The following LRRC4C variants were observed in gnomAD, a reference collection of about 807,000 sequenced individuals.
LRRC4C encodes the protein leucine rich repeat containing 4C.
A neutral mutation model predicts 33.6 loss-of-function variants in LRRC4C; 5 were observed. The ratio of observed to expected loss-of-function variants is 0.15; its 90% confidence interval spans 0.08 to 0.31. LRRC4C has a LOEUF of 0.31. LRRC4C is among the 10% of genes least tolerant of loss of function. LRRC4C has a pLI of 1.00. For missense variants in LRRC4C, 560 were observed against 796.7 expected (o/e 0.70, Z 3.58); for synonymous variants, 329 against 302.0 (o/e 1.09, Z -0.93).
intron 2 of LRRC4C, among the ~76,000 whole-genome samples, chr11:40,820,065 G>A (rs1951866152): frequency 3.3e-5 from 5 of 151,872 alleles, no homozygotes; most frequent in Admixed American, 2.6e-4. Flanking sequence ...CATTGCTGTA[G>A]CACATTCTAT....
intron 2 of LRRC4C, among the ~76,000 whole-genome samples, chr11:40,821,922 T>C (rs1951945260): frequency 6.6e-6 from 1 of 151,824 alleles, no homozygotes; most frequent in African/African-American, 2.4e-5. Context: ...GTATATGTGA[T>C]ATCTTGAGAC....
At chr11:41,416,374 G>T (rs1954681461) in intron 1 of LRRC4C, among the ~76,000 whole-genome samples, 1 of 151,968 alleles carries the variant, frequency 6.6e-6, no homozygotes, top group South Asian at 2.1e-4. Flanking sequence ...GTACAATGAA[G>T]AAATTGAGGT....
At chr11:40,770,477 C>A (rs1425692993) in intron 2 of LRRC4C, among the ~76,000 whole-genome samples, 1 of 152,174 alleles carries the variant, frequency 6.6e-6, no homozygotes, top group Non-Finnish European at 1.5e-5. Flanking sequence ...CAGACCATAT[C>A]ATTCTGTCCC....
At chr11:40,161,080 T>G (rs1434760399) in intron 5 of LRRC4C, among the ~76,000 whole-genome samples, 1 of 152,198 alleles carries the variant, frequency 6.6e-6, no homozygotes, top group Non-Finnish European at 1.5e-5. Context: ...CCAGAAAGTT[T>G]TCATCTAGGA....
chr11:40,677,402 G>A (rs10742549), intron 2 of LRRC4C, among the ~76,000 whole-genome samples: 60,126 of 151,706 alleles, frequency 0.4, 12,197 homozygotes, highest in East Asian at 0.61. Context: ...AACAAAACAA[G>A]ACAAACATAT....
At chr11:40,664,769 A>AAT (rs1012089194) in intron 2 of LRRC4C, among the ~76,000 whole-genome samples, 2 of 152,074 alleles carry the variant, frequency 1.3e-5, no homozygotes, top group Non-Finnish European at 2.9e-5. Flanking sequence ...CTGTTTTTTT[A>AAT]ATATATATAT....
intron 3 of LRRC4C, among the ~76,000 whole-genome samples, chr11:40,370,635 A>G (rs1316655963): frequency 6.6e-6 from 1 of 152,212 alleles, no homozygotes; most frequent in Non-Finnish European, 1.5e-5. Context: ...AATCAAAGTA[A>G]CAGATTGAGA....
intron 2 of LRRC4C, among the ~76,000 whole-genome samples, chr11:40,706,690 C>CAGGCTCTTTTTTGATTCCAT (rs1564958734): frequency 1.3e-5 from 2 of 152,254 alleles, no homozygotes; most frequent in Admixed American, 1.3e-4. Flanking sequence ...CTTGTCAATG[C>CAGGCTCTTTTTTGATTCCAT]AGGCTCTTTT....
chr11:40,378,146 T>G (rs1948731031), intron 3 of LRRC4C, among the ~76,000 whole-genome samples: 1 of 152,106 alleles, frequency 6.6e-6, no homozygotes, highest in Non-Finnish European at 1.5e-5. Flanking sequence ...ACTTTAAAAC[T>G]AGACATTCCA....
chr11:40,376,182 G>T (rs1446522595), intron 3 of LRRC4C, among the ~76,000 whole-genome samples: 1 of 152,114 alleles, frequency 6.6e-6, no homozygotes, highest in Non-Finnish European at 1.5e-5. Flanking sequence ...TAGAGTCAAA[G>T]ATTAAGATAT....
intron 1 of LRRC4C, among the ~76,000 whole-genome samples, chr11:41,439,406 G>A (rs1955541593): frequency 6.6e-6 from 1 of 152,070 alleles, no homozygotes; most frequent in South Asian, 2.1e-4. Context: ...TGGACTTGCT[G>A]GATCAAATGG....
chr11:40,598,534 G>A (rs1027387), intron 3 of LRRC4C, among the ~76,000 whole-genome samples: 151,651 of 152,270 alleles, frequency 1, 75,521 homozygotes, highest in Middle Eastern at 1. Context: ...AGAAAAAGTC[G>A]CAATAAGCTG....
At chr11:40,437,221 G>A (rs1380671650) in intron 3 of LRRC4C, among the ~76,000 whole-genome samples, 5 of 151,994 alleles carry the variant, frequency 3.3e-5, no homozygotes, top group Non-Finnish European at 5.9e-5. Context: ...CCAAGATAAG[G>A]ATTAGGTCAA....
At chr11:41,355,543 C>A (rs1379519055) in intron 1 of LRRC4C, among the ~76,000 whole-genome samples, 6 of 152,038 alleles carry the variant, frequency 3.9e-5, no homozygotes, top group African/African-American at 1.4e-4. Context: ...GTATATATAT[C>A]AAGAGGGCAT....
At chr11:40,335,828 A>C (rs1946572672) in intron 3 of LRRC4C, among the ~76,000 whole-genome samples, 1 of 152,210 alleles carries the variant, frequency 6.6e-6, no homozygotes, top group South Asian at 2.1e-4. Context: ...TAACGCAGCC[A>C]AGTGAGTTCT....
chr11:41,225,493 G>T (rs1392004296), intron 1 of LRRC4C, among the ~76,000 whole-genome samples: 1 of 151,976 alleles, frequency 6.6e-6, no homozygotes, highest in Non-Finnish European at 1.5e-5. Context: ...GAGTTTTATT[G>T]AGTCTCCATA....
chr11:40,908,848 A>T (rs1475457158), intron 2 of LRRC4C, among the ~76,000 whole-genome samples: 1 of 152,190 alleles, frequency 6.6e-6, no homozygotes, highest in Admixed American at 6.5e-5. Flanking sequence ...GACAATTTAC[A>T]TGTTAATGTG....
chr11:40,830,085 C>G (rs927193120), intron 2 of LRRC4C, among the ~76,000 whole-genome samples: 1 of 151,722 alleles, frequency 6.6e-6, no homozygotes, highest in Non-Finnish European at 1.5e-5. Context: ...TGTTTAGAGG[C>G]CTTAAGGAAT....
intron 2 of LRRC4C, among the ~76,000 whole-genome samples, chr11:40,702,193 T>C (rs1945894770): frequency 6.6e-6 from 1 of 152,084 alleles, no homozygotes; most frequent in Non-Finnish European, 1.5e-5. Flanking sequence ...ATTTGTATTT[T>C]TACTGTTTAT....
Sources: allele counts gnomAD v4.1 joint callset (sites outside exome capture counted in the v4.1 genomes callset), GRCh38; gene constraint gnomAD v4.1.1; transcripts MANE v1.5; gene names NCBI Gene and HGNC (gene_info 2026-07-23, HGNC 2026-07-21).